GLRA2: variants seen among roughly 807,000 people sequenced by gnomAD.
GLRA2 encodes the protein glycine receptor subunit alpha-2.
In GLRA2, 11 loss-of-function variants were observed where a neutral mutation model predicts 31.6. The ratio of observed to expected loss-of-function variants is 0.35; its 90% CI spans 0.22 to 0.58. The LOEUF is 0.58. GLRA2 is among the 20% of genes least tolerant of loss of function. The pLI, the probability that GLRA2 is intolerant of heterozygous loss-of-function variation, is 0.84. For missense variants in GLRA2, 212 were observed against 351.8 expected (o/e 0.60, Z 3.18); for synonymous variants, 132 against 134.0 (o/e 0.99, Z 0.10).
At chrX:14,463,723 C>T in the GLRA2 span, among the ~76,000 whole-genome samples, 330 of 110,092 alleles carry the variant, frequency 3.0e-3, 1 homozygote, top group Non-Finnish European at 4.4e-3. Flanking sequence ...GAAGACCATG[C>T]GAAAAGTGCA....
At chrX:14,546,209 G>T (rs372897874) in intron 2 of GLRA2, among the ~76,000 whole-genome samples, 6 of 111,635 alleles carry the variant, frequency 5.4e-5, no homozygotes, top group East Asian at 5.6e-4. Context: ...TATATTATCA[G>T]ATGTATTTCT....
At chrX:14,521,011 G>A in the GLRA2 span, among the ~76,000 whole-genome samples, 3 of 112,394 alleles carry the variant, frequency 2.7e-5, no homozygotes, top group Non-Finnish European at 5.6e-5. Flanking sequence ...TATAACCAAT[G>A]CAAGGAAATA....
intron 4 of GLRA2, among the ~76,000 whole-genome samples, chrX:14,590,822 A>G (rs1368911897): frequency 1.8e-5 from 2 of 112,253 alleles, no homozygotes; most frequent in Non-Finnish European, 3.8e-5. Flanking sequence ...AAGCGTCCAC[A>G]TCAGAATTAA....
At chrX:14,522,278 C>T in the GLRA2 span, among the ~76,000 whole-genome samples, 2 of 112,318 alleles carry the variant, frequency 1.8e-5, no homozygotes, top group African/African-American at 6.5e-5. Flanking sequence ...AACAACTCCT[C>T]ATACGTTTAA....
chrX:14,460,503 G>T, the GLRA2 span, among the ~76,000 whole-genome samples: 4 of 111,674 alleles, frequency 3.6e-5, no homozygotes, highest in Non-Finnish European at 7.5e-5. Context: ...ATCTGGTCCT[G>T]GGCTGTTTTG....
intron 4 of GLRA2, 45 bp downstream of exon 4, chrX:14,581,451 C>A: frequency 1.4e-6 from 1 of 716,989 alleles, no homozygotes; most frequent in South Asian, 2.2e-5. Context: ...CATTTCTCCA[C>A]TAATGTAGAG....
chrX:14,700,573 G>C (rs900524139), intron 8 of GLRA2, among the ~76,000 whole-genome samples: 2 of 111,800 alleles, frequency 1.8e-5, no homozygotes, highest in African/African-American at 6.5e-5. Flanking sequence ...TAAAAGCTAA[G>C]AAGCAGCCAT....
intron 7 of GLRA2, among the ~76,000 whole-genome samples, chrX:14,648,971 T>C (rs1242514479): frequency 8.9e-6 from 1 of 111,848 alleles, no homozygotes. Context: ...ATCCCAGCAC[T>C]TTGCAAGGCC....
chrX:14,679,043 T>C (rs1174318332), intron 7 of GLRA2, among the ~76,000 whole-genome samples: 1 of 110,877 alleles, frequency 9.0e-6, no homozygotes, highest in Non-Finnish European at 1.9e-5. Context: ...AGCTTACTGG[T>C]AGAGGAAATG....
At chrX:14,472,132 A>C in the GLRA2 span, among the ~76,000 whole-genome samples, 4 of 111,956 alleles carry the variant, frequency 3.6e-5, no homozygotes, top group East Asian at 1.1e-3. Flanking sequence ...GACCAGATCA[A>C]CTTCACTGTT....
intron 2 of GLRA2, among the ~76,000 whole-genome samples, chrX:14,539,912 T>G (rs1319300158): frequency 9.0e-6 from 1 of 111,473 alleles, no homozygotes; most frequent in Non-Finnish European, 1.9e-5. Context: ...ATAGAATAAA[T>G]TTGTGGCAAG....
At chrX:14,625,248 T>C (rs1039271541) in intron 7 of GLRA2, among the ~76,000 whole-genome samples, 3 of 111,332 alleles carry the variant, frequency 2.7e-5, no homozygotes, top group African/African-American at 9.8e-5. Flanking sequence ...TGTCTCTGCA[T>C]GTGAGATGGG....
intron 4 of GLRA2, 125 bp from the exon 5 acceptor site, chrX:14,604,190 G>C (rs2090306534): frequency 5.3e-6 from 2 of 379,423 alleles, no homozygotes; most frequent in Admixed American, 7.7e-5. Flanking sequence ...CCCTGAGTTG[G>C]AGCTTAGATT....
At chrX:14,642,024 C>G (rs1200409451) in intron 7 of GLRA2, among the ~76,000 whole-genome samples, 3 of 111,595 alleles carry the variant, frequency 2.7e-5, no homozygotes, top group Non-Finnish European at 5.7e-5. Context: ...CCTTTACAGG[C>G]AGCCCAAGAC....
At chrX:14,576,498 G>A (rs2089960410) in intron 3 of GLRA2, among the ~76,000 whole-genome samples, 1 of 111,554 alleles carries the variant, frequency 9.0e-6, no homozygotes, top group African/African-American at 3.3e-5. Context: ...AGCTTTACAC[G>A]ATGGCATTCA....
intron 3 of GLRA2, 26 bp downstream of exon 3, chrX:14,574,426 G>T: frequency 8.6e-7 from 1 of 1,158,408 alleles, no homozygotes. Context: ...CCACTGGCAA[G>T]AGAAAGACAC....
At chrX:14,543,394 A>G (rs768263061) in intron 2 of GLRA2, among the ~76,000 whole-genome samples, 2 of 110,703 alleles carry the variant, frequency 1.8e-5, no homozygotes, top group Non-Finnish European at 3.8e-5. Context: ...GATGCACCCA[A>G]TCTTCCTAGA....
chrX:14,450,427 A>C, the GLRA2 span, among the ~76,000 whole-genome samples: 1 of 111,647 alleles, frequency 9.0e-6, no homozygotes, highest in Non-Finnish European at 1.9e-5. Context: ...GTGTGGCGCC[A>C]GTAATTGTAG....
chrX:14,689,865 C>T (rs762571636), intron 7 of GLRA2, among the ~76,000 whole-genome samples: 29 of 111,935 alleles, frequency 2.6e-4, no homozygotes, highest in Non-Finnish European at 3.6e-4. Context: ...AGATGAGGGG[C>T]ATTTTCCATT....
Sources: allele counts gnomAD v4.1 joint callset (sites outside exome capture counted in the v4.1 genomes callset), GRCh38; gene constraint gnomAD v4.1.1; transcripts MANE v1.5; gene names NCBI Gene and HGNC (gene_info 2026-07-23, HGNC 2026-07-21).